SLC30A9: variants seen among roughly 807,000 people sequenced by gnomAD.
SLC30A9 encodes the protein proton-coupled zinc antiporter SLC30A9, mitochondrial.
In SLC30A9, 58 loss-of-function variants were observed where a neutral mutation model predicts 87.5. The observed-to-expected ratio is 0.66, with a 90% CI of 0.54 to 0.82. SLC30A9 has a LOEUF of 0.82. Among genes scored for constraint, SLC30A9 ranks in the 40% least tolerant of loss-of-function variants. The pLI is 0.00. For synonymous variants in SLC30A9, 234 were observed against 233.0 expected (o/e 1.00, Z -0.04); for missense variants, 557 against 679.1 (o/e 0.82, Z 2.00).
chr4:42,084,040 C>T (rs938745788), intron 17 of SLC30A9, among the ~76,000 whole-genome samples: 3 of 152,106 alleles, frequency 2.0e-5, no homozygotes, highest in East Asian at 1.9e-4. Flanking sequence ...GCCTTTAATA[C>T]AAGTAATATG....
intron 1 of SLC30A9, among the ~76,000 whole-genome samples, chr4:41,996,895 G>C (rs1225307687): frequency 6.6e-6 from 1 of 152,082 alleles, no homozygotes; most frequent in African/African-American, 2.4e-5. Flanking sequence ...TTAGTCAGGC[G>C]TGGTGGCACA....
At position 42,039,036 on chromosome 4, in the gene SLC30A9, G is replaced by A. The variant is rs778664059; in HGVS notation, c.720G>A (p.Val240=). The change falls in exon 8 of 18, where the codon GTG becomes GTA. Residue 240 remains valine, a synonymous_variant. Coordinates refer to ENST00000264451, the MANE Select transcript of SLC30A9 (RefSeq NM_006345.4). The part of the protein sequence containing the change: ...SVFFKGPGKV[V]MVAICINGLN... ...TTTTTAAGGGACCAGGAAAAGTGGTGATGGTTGCAATTTGCATGTAAGTAC... is the reference window on the plus strand; with the variant it reads ...TTTTTAAGGGACCAGGAAAAGTGGTAATGGTTGCAATTTGCATGTAAGTAC... 1 of 1,613,000 alleles carries A rather than the reference G, an allele frequency of 6.2e-7. No homozygotes were observed.
intron 1 of SLC30A9, among the ~76,000 whole-genome samples, chr4:41,999,076 A>G (rs1354905307): frequency 6.6e-6 from 1 of 152,208 alleles, no homozygotes; most frequent in Admixed American, 6.5e-5. Context: ...CTGGCCCAAA[A>G]TAGAACAGTT....
intron 12 of SLC30A9, among the ~76,000 whole-genome samples, chr4:42,065,794 A>T (rs1560557440): frequency 6.6e-6 from 1 of 152,236 alleles, no homozygotes; most frequent in Non-Finnish European, 1.5e-5. Context: ...CACCACCACT[A>T]CTATCGCTGT....
At chr4:42,084,731 A>G (rs1049380960) in intron 17 of SLC30A9, among the ~76,000 whole-genome samples, 1 of 152,130 alleles carries the variant, frequency 6.6e-6, no homozygotes, top group African/African-American at 2.4e-5. Flanking sequence ...TCGGCCTCCC[A>G]GAGTGCTGGG....
chr4:42,060,088 T>TACTC lies in SLC30A9; in HGVS notation c.841-103_841-102insACTC, dbSNP rs1217395248. ...GGTCATTGGACATGCATATGTTGAG[T>TACTC]GTTTCTTTGTCATTGTTAGCCTGCA... On this transcript the variant is annotated intron_variant, in intron 9 of 17. Transcript: ENST00000264451. 3 of 825,330 alleles carry TACTC rather than the reference T, an allele frequency of 3.6e-6. 1 individual carries two copies. The African/African-American group carries it at 5.0e-5, about 14-fold the overall frequency. 51.1% of individuals were successfully genotyped at this position (825,330 alleles called of 1,614,324 possible).
rs1395765025 is a variant in SLC30A9 at position 42,078,279 on chromosome 4, T to C, written c.1616T>C (p.Ile539Thr). 2 of 1,588,080 alleles carry C rather than the reference T, an allele frequency of 1.3e-6. No individual in the cohort carries two copies. Among genetic ancestry groups the C allele is most frequent in the Admixed American group, 1.7e-5 (1 of 58,088 alleles). Reference sequence around the variant, plus strand: ...ATGCTTAAACATGGAGAAAATATTATTGATACTTTAGGAGCTGAAGTAGAT... The same window carrying C: ...ATGCTTAAACATGGAGAAAATATTACTGATACTTTAGGAGCTGAAGTAGAT... ...TFMLKHGENI[I>T]DTLGAEVDRL... Residue 539 changes from isoleucine (I) to threonine (T), a missense_variant, in exon 17 of 18, where the codon ATT (isoleucine) becomes ACT (threonine). Physicochemically the swap from Ile to Thr is moderately conservative, Grantham distance 89. Coordinates refer to ENST00000264451, the MANE Select transcript of SLC30A9 (RefSeq NM_006345.4).
chr4:42,067,065 GTC>G lies in SLC30A9; in HGVS notation c.1145-16_1145-15del. The G allele has an allele frequency of 6.8e-7, 1 of 1,469,868 alleles. No individual in the cohort carries two copies. Among genetic ancestry groups the G allele is most frequent in the Non-Finnish European group, 9.5e-7 (1 of 1,051,856 alleles). The allele number at this position is 1,469,868 out of a possible 1,614,324, so 91.1% of individuals were successfully genotyped here. On this transcript the variant is annotated intron_variant, in intron 13 of 17. Coordinates refer to ENST00000264451, the MANE Select transcript of SLC30A9 (RefSeq NM_006345.4). Reference sequence around the variant, plus strand: ...AAGATTTTAGAAATTTTCTTGTCTTGTCTCTTCCCCAATGACTAGTAATGGAA... The same window carrying G: ...AAGATTTTAGAAATTTTCTTGTCTTGTCTTCCCCAATGACTAGTAATGGAA...
At chr4:42,031,675 T>C (rs927364425) in intron 6 of SLC30A9, among the ~76,000 whole-genome samples, 1 of 152,228 alleles carries the variant, frequency 6.6e-6, no homozygotes, top group Non-Finnish European at 1.5e-5. Flanking sequence ...TGAATCCCAA[T>C]TAAGTGAAAT....
intron 1 of SLC30A9, among the ~76,000 whole-genome samples, chr4:41,992,472 T>A (rs1294396468): frequency 1.3e-5 from 2 of 152,234 alleles, no homozygotes; most frequent in African/African-American, 4.8e-5. Flanking sequence ...GAAATTACAG[T>A]GGCTGTTAAA....
chr4:42,021,260 T>G (rs185337714), intron 4 of SLC30A9, among the ~76,000 whole-genome samples: 36 of 152,348 alleles, frequency 2.4e-4, no homozygotes, highest in Non-Finnish European at 4.7e-4. Context: ...TCCACTTTAA[T>G]AGACCAGGAT....
Position 41,994,822 on chromosome 4 carries a change from G to T in SLC30A9, c.109+4062G>T, listed in dbSNP as rs576785776. On this transcript the variant is annotated intron_variant, in intron 1 of 17. Coordinates refer to ENST00000264451, the MANE Select transcript of SLC30A9 (RefSeq NM_006345.4). ...AGAATTGCTTGAACCCGTCAGATGT[G>T]GTCTCAAAAAAAAAAAAAAAAAAAG... is the stretch of plus-strand genomic sequence containing the variant. Among the ~76,000 whole-genome samples the T allele has an allele frequency of 4.7e-3, 426 of 90,566 alleles. 2 individuals carry two copies. Among genetic ancestry groups the T allele is most frequent in the Middle Eastern group, 0.016 (2 of 128 alleles). 59.4% of individuals were successfully genotyped at this position (90,566 alleles called of 152,430 possible).
chr4:42,036,315 T>C (rs1716674679), intron 7 of SLC30A9, among the ~76,000 whole-genome samples: 3 of 152,178 alleles, frequency 2.0e-5, no homozygotes, highest in Non-Finnish European at 2.9e-5. Context: ...TACTAACTCA[T>C]CTACACATGT....
chr4:42,055,901 G>A (rs779649428), intron 9 of SLC30A9, among the ~76,000 whole-genome samples: 65 of 152,274 alleles, frequency 4.3e-4, no homozygotes, highest in Admixed American at 9.2e-4. Context: ...GTACTTCTTA[G>A]CCACTAGATG....
intron 6 of SLC30A9, among the ~76,000 whole-genome samples, chr4:42,030,599 T>TGGTGGGG (rs1716389995): frequency 5.4e-5 from 8 of 148,440 alleles, no homozygotes; most frequent in Non-Finnish European, 1.0e-4. Context: ...TTTTTTTTTT[T>TGGTGGGG]GGGCTCTTTC....
chr4:42,044,386 C>CAAAAAAAAAAAA (rs57572080), intron 8 of SLC30A9, among the ~76,000 whole-genome samples: 6 of 98,712 alleles, frequency 6.1e-5, no homozygotes, highest in African/African-American at 2.6e-4. Flanking sequence ...AAATGGAAAG[C>CAAAAAAAAAAAA]AAAAAAAAAA....
chr4:41,996,894 C>T (rs1373795490), intron 1 of SLC30A9, among the ~76,000 whole-genome samples: 6 of 152,108 alleles, frequency 3.9e-5, no homozygotes, highest in South Asian at 2.1e-4. Context: ...ATTAGTCAGG[C>T]GTGGTGGCAC....
At chr4:42,082,171 C>T (rs1057175449) in intron 17 of SLC30A9, among the ~76,000 whole-genome samples, 13 of 150,498 alleles carry the variant, frequency 8.6e-5, no homozygotes, top group African/African-American at 3.0e-4. Flanking sequence ...GAGCCGAGTT[C>T]GAGCCACTGC....
At chr4:42,047,278 T>G (rs756668518) in intron 8 of SLC30A9, among the ~76,000 whole-genome samples, 10 of 152,170 alleles carry the variant, frequency 6.6e-5, no homozygotes, top group Non-Finnish European at 1.3e-4. Context: ...TAAACTATTA[T>G]CCGAGTGAAC....
Sources: gnomAD v4.1 joint callset for allele counts (sites outside exome capture counted in the v4.1 genomes callset) on GRCh38, gnomAD v4.1.1 for gene constraint, MANE v1.5 for transcripts, NCBI Gene and HGNC (gene_info 2026-07-23, HGNC 2026-07-21) for gene names.